The following PAM variants were observed in gnomAD, a reference collection of about 807,000 sequenced individuals.
The protein encoded by PAM is peptidyl-glycine alpha-amidating monooxygenase.
A neutral mutation model predicts 122.1 loss-of-function variants in PAM; 72 were observed. The ratio of observed to expected loss-of-function variants is 0.59; its 90% CI spans 0.49 to 0.72. The LOEUF is 0.72. PAM is among the 30% of genes least tolerant of loss of function. The pLI, the probability that PAM is intolerant of heterozygous loss-of-function variation, is 0.00. For synonymous variants in PAM, 389 were observed against 404.4 expected (o/e 0.96, Z 0.46); for missense variants, 1,106 against 1,183.7 (o/e 0.93, Z 0.96).
At chr5:103,004,054 A>G (rs763344379) in intron 17 of PAM, among the ~76,000 whole-genome samples, 3 of 152,190 alleles carry the variant, frequency 2.0e-5, no homozygotes, top group Non-Finnish European at 2.9e-5. Context: ...TGACAGCTTC[A>G]GGAATTATAC....
intron 5 of PAM, among the ~76,000 whole-genome samples, chr5:102,920,962 C>G (rs1297207773): frequency 6.6e-6 from 1 of 152,094 alleles, no homozygotes; most frequent in Non-Finnish European, 1.5e-5. Flanking sequence ...ATTTTCAGTG[C>G]TTGGCACAGT....
intron 1 of PAM, among the ~76,000 whole-genome samples, chr5:102,829,403 G>T (rs1774718968): frequency 7.2e-6 from 1 of 138,478 alleles, no homozygotes; most frequent in Non-Finnish European, 1.5e-5. Context: ...ATGGAGTCTT[G>T]CTCTGTCACC....
chr5:102,884,884 A>G (rs1212259655), intron 3 of PAM, among the ~76,000 whole-genome samples: 2 of 151,918 alleles, frequency 1.3e-5, no homozygotes, highest in Non-Finnish European at 2.9e-5. Flanking sequence ...AGAGGAGGGT[A>G]TATAAAAATA....
At chr5:102,953,015 C>G (rs1357619556) in intron 12 of PAM, among the ~76,000 whole-genome samples, 1 of 152,124 alleles carries the variant, frequency 6.6e-6, no homozygotes, top group African/African-American at 2.4e-5. Flanking sequence ...CGAGAACTCT[C>G]AGCTTCAAGT....
intron 1 of PAM, among the ~76,000 whole-genome samples, chr5:102,833,454 A>C (rs528613226): frequency 3.3e-5 from 5 of 152,290 alleles, no homozygotes; most frequent in African/African-American, 1.2e-4. Context: ...TATTACATGA[A>C]GGTCATCAGG....
intron 1 of PAM, among the ~76,000 whole-genome samples, chr5:102,760,532 C>A (rs1435449479): frequency 6.6e-6 from 1 of 152,140 alleles, no homozygotes; most frequent in Non-Finnish European, 1.5e-5. Flanking sequence ...TTTAAAAATC[C>A]ATTCCTCAGT....
intron 16 of PAM, among the ~76,000 whole-genome samples, chr5:102,993,098 T>C (rs1774645998): frequency 6.6e-6 from 1 of 152,122 alleles, no homozygotes; most frequent in African/African-American, 2.4e-5. Flanking sequence ...ATAATGATGA[T>C]AAACCTCTGA....
At chr5:102,794,925 C>T (rs1273820549) in intron 1 of PAM, among the ~76,000 whole-genome samples, 1 of 151,414 alleles carries the variant, frequency 6.6e-6, no homozygotes, top group African/African-American at 2.4e-5. Context: ...TGCGGTGGCT[C>T]ACACCTGTAA....
At chr5:102,950,897 T>C (rs1457007401) in intron 12 of PAM, 77 bp downstream of exon 12, 4 of 841,568 alleles carry the variant, frequency 4.8e-6, no homozygotes, top group African/African-American at 1.7e-5. Flanking sequence ...GCTATCTTTG[T>C]GAATAAATTG....
At chr5:102,977,272 CTTTAAAA>C (rs1356127742) in intron 15 of PAM, among the ~76,000 whole-genome samples, 2 of 152,094 alleles carry the variant, frequency 1.3e-5, no homozygotes, top group Non-Finnish European at 2.9e-5. Context: ...TGGCATCTGC[CTTTAAAA>C]CTGGGTTCTC....
At chr5:102,860,752 G>T (rs1783953681) in intron 1 of PAM, among the ~76,000 whole-genome samples, 1 of 151,994 alleles carries the variant, frequency 6.6e-6, no homozygotes, top group Non-Finnish European at 1.5e-5. Context: ...GAAAAAAATA[G>T]TAACAGTATG....
chr5:102,757,355 T>TA (rs1222771079), intron 1 of PAM, among the ~76,000 whole-genome samples: 1 of 152,090 alleles, frequency 6.6e-6, no homozygotes, highest in African/African-American at 2.4e-5. Flanking sequence ...AATAAATAGA[T>TA]AAAAAATCAT....
At chr5:102,971,699 CA>C (rs1341302954) in intron 14 of PAM, among the ~76,000 whole-genome samples, 1 of 152,176 alleles carries the variant, frequency 6.6e-6, no homozygotes, top group East Asian at 1.9e-4. Context: ...AGAGATGACA[CA>C]GGGGTCAGGA....
intron 1 of PAM, among the ~76,000 whole-genome samples, chr5:102,779,880 C>CAT (rs1561422931): frequency 4.3e-5 from 3 of 69,312 alleles, no homozygotes; most frequent in African/African-American, 1.4e-4. Flanking sequence ...AATAAACTCC[C>CAT]ATATACATAT....
chr5:102,826,404 A>G (rs1773622743), intron 1 of PAM, among the ~76,000 whole-genome samples: 2 of 152,222 alleles, frequency 1.3e-5, no homozygotes, highest in South Asian at 2.1e-4. Flanking sequence ...ATAATTTGCT[A>G]TCGCTAATAA....
At chr5:102,803,185 GGAAGGAAGGAAGGAAGGAAGGAAA>G (rs1222012007) in intron 1 of PAM, among the ~76,000 whole-genome samples, 3,056 of 23,486 alleles carry the variant, frequency 0.13, 85 homozygotes, top group Middle Eastern at 0.22. Flanking sequence ...AAGGAAGGAA[GGAAGGAAGGAAGGAAGGAAGGAAA>G]GAAGGAAGGA....
chr5:102,850,185 T>C (rs1242920591), intron 1 of PAM, among the ~76,000 whole-genome samples: 1 of 152,188 alleles, frequency 6.6e-6, no homozygotes, highest in South Asian at 2.1e-4. Context: ...AACAGTGGAA[T>C]GTGCAGGATG....
chr5:102,780,285 A>G lies in PAM; in HGVS notation c.-374+24937A>G, dbSNP rs145835567. On this transcript the variant is annotated intron_variant, in intron 1 of 25. Coordinates refer to ENST00000438793, the MANE Select transcript of PAM (RefSeq NM_001177306.2). Reference sequence around the variant, plus strand: ...AGATATGCCCCGAGGATCAGGGAAGACTACTGTACCACCATTGGCATTGTT... The same window carrying G: ...AGATATGCCCCGAGGATCAGGGAAGGCTACTGTACCACCATTGGCATTGTT... 8.6e-3 allele frequency among the ~76,000 whole-genome samples: 1,303 copies of G among 152,242 alleles called. 10 individuals carry two copies. Among genetic ancestry groups the G allele is most frequent in the South Asian group, 0.018 (86 of 4,816 alleles).
chr5:102,814,027 G>A (rs140845387), intron 1 of PAM, among the ~76,000 whole-genome samples: 80 of 152,240 alleles, frequency 5.3e-4, no homozygotes, highest in African/African-American at 1.9e-3. Context: ...AGGAGTCTGT[G>A]GTAGGGGCAG....
Sources: allele counts gnomAD v4.1 joint callset (sites outside exome capture counted in the v4.1 genomes callset), GRCh38; gene constraint gnomAD v4.1.1; transcripts MANE v1.5; gene names NCBI Gene and HGNC (gene_info 2026-07-23, HGNC 2026-07-21).